Variants in TOP3A observed in about 807,000 individuals in gnomAD.
TOP3A encodes the protein DNA topoisomerase 3-alpha.
A neutral mutation model predicts 111.3 loss-of-function variants in TOP3A; 64 were observed. The observed-to-expected ratio is 0.57, with a 90% CI of 0.47 to 0.71. The LOEUF is 0.71. TOP3A is among the 30% of genes least tolerant of loss of function. TOP3A has a pLI of 0.00. For synonymous variants in TOP3A, 484 were observed against 485.1 expected (o/e 1.00, Z 0.03); for missense variants, 1,104 against 1,285.0 (o/e 0.86, Z 2.15).
At chr17:18,306,094 T>C (rs1981563592) in intron 4 of TOP3A, among the ~76,000 whole-genome samples, 1 of 151,834 alleles carries the variant, frequency 6.6e-6, no homozygotes, top group Admixed American at 6.6e-5. Flanking sequence ...CTCAGCTACT[T>C]GAGAGGCTAA....
intron 9 of TOP3A, among the ~76,000 whole-genome samples, chr17:18,297,072 TTCC>T (rs1980854867): frequency 2.0e-5 from 3 of 152,336 alleles, no homozygotes; most frequent in Admixed American, 1.3e-4. Flanking sequence ...ATAGGTTGTC[TTCC>T]TCTTTTTGTT....
chr17:18,303,566 T>C (rs1981372601), intron 5 of TOP3A, among the ~76,000 whole-genome samples: 1 of 152,212 alleles, frequency 6.6e-6, no homozygotes, highest in Non-Finnish European at 1.5e-5. Flanking sequence ...GCGGCAATAC[T>C]GCTCTGTTAC....
rs764535004 is a variant in TOP3A, at chr17:18,278,020, C to A, written c.2482G>T (p.Gly828Cys). The A allele has an allele frequency of 3.1e-6, 5 of 1,614,154 alleles. No homozygotes were observed. The highest frequency in any genetic ancestry group is 4.2e-6 in the Non-Finnish European group (5 of 1,180,048). The change falls in exon 18 of 19, where the codon GGC becomes TGC. Residue 828 changes from glycine (G) to cysteine (C), a missense_variant. Physicochemically the swap from Gly to Cys is radical, Grantham distance 159 (BLOSUM62 -3). Transcript: ENST00000321105. ...AAGAACTGCCGGCCCCGGTTGGGGC[C>A]CTCCTTACGGACAGTGAGCAGCACA... ...EAVLLTVRKEGPNRGRQFFKC... is the reference protein window; with the variant it reads ...EAVLLTVRKECPNRGRQFFKC...
At position 18,299,629 on chromosome 17, in the gene TOP3A, G is replaced by C; in HGVS notation, c.920C>G (p.Pro307Arg). The change falls in exon 9 of 19, where the codon CCC becomes CGC. Residue 307 changes from proline to arginine, a missense_variant. Coordinates refer to ENST00000321105, the MANE Select transcript of TOP3A (RefSeq NM_004618.5). Reference sequence around the variant, plus strand: ...TCTGACCTCTACCACAGTTGCCATGGGATCCTAGAAAGCCAGGAAAGAAAA... The same window carrying C: ...TCTGACCTCTACCACAGTTGCCATGCGATCCTAGAAAGCCAGGAAAGAAAA... ...LVLYQLCVED[P>R]MATVVEVRSK... 1 of 1,613,962 alleles carries C rather than the reference G, an allele frequency of 6.2e-7. No individual in the cohort carries two copies. The highest frequency in any genetic ancestry group is 8.5e-7 in the Non-Finnish European group (1 of 1,179,910).
rs57023941 is a variant in TOP3A, at chr17:18,293,678, C to T, written c.1074-826G>A. On this transcript the variant is annotated intron_variant, in intron 10 of 18. Coordinates refer to ENST00000321105, the MANE Select transcript of TOP3A (RefSeq NM_004618.5). Reference sequence around the variant, plus strand: ...GTGGCGTGATCTCAGCTCAGTACAACCTCTGCCTCCCGGGTTCAAGCAATT... The same window carrying T: ...GTGGCGTGATCTCAGCTCAGTACAATCTCTGCCTCCCGGGTTCAAGCAATT... Among the ~76,000 whole-genome samples, 312 of 152,170 alleles carry T rather than the reference C, an allele frequency of 2.1e-3. 1 individual carries two copies. The highest frequency in any genetic ancestry group is 7.2e-3 in the African/African-American group (300 of 41,500).
In TOP3A at chr17:18,301,978, A is replaced by C. The variant is rs1250587002; in HGVS notation, c.822T>G (p.His274Gln). 1.2e-6 allele frequency: 2 copies of C among 1,613,724 alleles called. No individual in the cohort carries two copies. The highest frequency in any genetic ancestry group is 2.7e-5 in the African/African-American group (2 of 74,924). Reference sequence around the variant, plus strand: ...ATTCTACGATACCATCTTTGTGGTCATGAGTTACTATATTAAGGAGAGACA... The same window carrying C: ...ATTCTACGATACCATCTTTGTGGTCCTGAGTTACTATATTAAGGAGAGACA... The part of the protein sequence containing the change: ...PEIFHRIKVT[H>Q]DHKDGIVEFN... The change falls in exon 8 of 19, where the codon CAT (histidine) becomes CAG (glutamine). Residue 274 changes from histidine to glutamine, a missense_variant. His to Gln is a conservative substitution (Grantham distance 24, BLOSUM62 0). Transcript: ENST00000321105.
chr17:18,290,262 T>C (rs1306548249), intron 13 of TOP3A, among the ~76,000 whole-genome samples: 3 of 152,260 alleles, frequency 2.0e-5, no homozygotes, highest in African/African-American at 7.2e-5. Context: ...ATGTGGCCAA[T>C]GGGTGCTCCC....
At chr17:18,282,611 T>C (rs1979826510) in intron 16 of TOP3A, 87 bp downstream of exon 16, 9 of 1,565,350 alleles carry the variant, frequency 5.7e-6, no homozygotes, top group Non-Finnish European at 7.8e-6. Flanking sequence ...AAAGATTCCA[T>C]GGAGTGAAAT....
intron 13 of TOP3A, among the ~76,000 whole-genome samples, chr17:18,287,004 G>T (rs547665871): frequency 6.6e-6 from 1 of 152,080 alleles, no homozygotes; most frequent in Admixed American, 6.5e-5. Context: ...AGCTGGTCTC[G>T]AACTCCTGAC....
intron 17 of TOP3A, among the ~76,000 whole-genome samples, chr17:18,279,610 C>T (rs1979627398): frequency 6.6e-6 from 1 of 150,932 alleles, no homozygotes; most frequent in Non-Finnish European, 1.5e-5. Context: ...AGGATGGTCT[C>T]GATCTCCTGT....
chr17:18,292,580 C>G (rs750348686), intron 11 of TOP3A, 65 bp downstream of exon 11: 1 of 1,371,822 alleles, frequency 7.3e-7, no homozygotes, highest in Non-Finnish European at 9.8e-7. Context: ...TAAATTCAAA[C>G]CTTACTACTG....
chr17:18,297,438 G>GTCCCTCTCCCTCTCCCCACGGTC (rs1555571031), intron 9 of TOP3A, among the ~76,000 whole-genome samples: 16,551 of 145,928 alleles, frequency 0.11, 1,096 homozygotes, highest in South Asian at 0.18. Flanking sequence ...CCCTGTCCCT[G>GTCCCTCTCCCTCTCCCCACGGTC]TCCCTCTCCC....
rs1043968086 is a variant in TOP3A, at chr17:18,299,434, T to C, written c.990+125A>G. 3 of 846,412 alleles carry C rather than the reference T, an allele frequency of 3.5e-6. No homozygotes were observed. In the Admixed American group the frequency reaches 5.7e-5, roughly 16 times the overall value. The allele number at this position is 846,412 out of a possible 1,614,324, so 52.4% of individuals were successfully genotyped here. A position where few individuals can be genotyped will look rare whatever the true frequency, so the allele number is the denominator to read the frequency against. ...AGCAGGACCGTGTCTTTCTCCAGTG[T>C]TTTCTTGTGTGGCCTGGTGATGGGT... On this transcript the variant is annotated intron_variant, in intron 9 of 18. Transcript: ENST00000321105.
chr17:18,309,475 T>G (rs1352391797), intron 1 of TOP3A, among the ~76,000 whole-genome samples: 1 of 151,914 alleles, frequency 6.6e-6, no homozygotes, highest in African/African-American at 2.4e-5. Flanking sequence ...AAACCCCATC[T>G]CTACTAAAAA....
intron 4 of TOP3A, among the ~76,000 whole-genome samples, chr17:18,305,486 A>ACACACACGCGCGCGCG (rs1164323613): frequency 1.3e-5 from 2 of 149,414 alleles, no homozygotes; most frequent in African/African-American, 2.5e-5. Flanking sequence ...ACACACACAC[A>ACACACACGCGCGCGCG]CGCGCGCGCG....
At chr17:18,302,519 A>G in intron 6 of TOP3A, 61 bp downstream of exon 6, 2 of 1,598,128 alleles carry the variant, frequency 1.3e-6, no homozygotes, top group Non-Finnish European at 1.7e-6. Flanking sequence ...CACAGAGCCC[A>G]TTTTTGGTCC....
Position 18,308,223 on chromosome 17 carries a change from CAAAAAAAAAAAAAAAAAAAAA to C in TOP3A, c.314+107_314+127del, listed in dbSNP as rs201230376. 483 of 245,484 alleles carry C rather than the reference CAAAAAAAAAAAAAAAAAAAAA, an allele frequency of 2.0e-3. 5 individuals carry two copies. The highest frequency in any genetic ancestry group is 2.5e-3 in the Non-Finnish European group (366 of 144,730). 15.2% of individuals were successfully genotyped at this position (245,484 alleles called of 1,614,324 possible). On this transcript the variant is annotated intron_variant, in intron 3 of 18. Transcript: ENST00000321105. ...TCTCACTCTGAAACTTTGTCTCCAA[CAAAAAAAAAAAAAAAAAAAAA>C]AAAAAAAAAAAAAAATTACCCAGTA...
chr17:18,272,064 T>G lies in TOP3A; in HGVS notation c.*2738A>C, dbSNP rs1042820287. Among the ~76,000 whole-genome samples, 1 of 150,180 alleles carries G rather than the reference T, an allele frequency of 6.7e-6. No individual in the cohort carries two copies. Among genetic ancestry groups the G allele is most frequent in the Non-Finnish European group, 1.5e-5 (1 of 67,678 alleles). On this transcript the variant is annotated 3_prime_UTR_variant, in exon 19 of 19. Coordinates refer to ENST00000321105, the MANE Select transcript of TOP3A (RefSeq NM_004618.5). ...CTGGGCACAAGAGCGAAACTCCATC[T>G]CAAAAAAAAATAAAAAATAAAAAAT...
intron 9 of TOP3A, among the ~76,000 whole-genome samples, chr17:18,297,911 G>A (rs1324176281): frequency 6.6e-6 from 1 of 150,786 alleles, no homozygotes; most frequent in East Asian, 2.0e-4. Flanking sequence ...GAGCCCCTCT[G>A]CCTGGCTGCC....
Sources: allele counts gnomAD v4.1 joint callset (sites outside exome capture counted in the v4.1 genomes callset), GRCh38; gene constraint gnomAD v4.1.1; transcripts MANE v1.5; gene names NCBI Gene and HGNC (gene_info 2026-07-23, HGNC 2026-07-21).